Variants in BCAR3 observed in about 807,000 individuals in gnomAD.
BCAR3 encodes the protein BCAR3 adaptor protein, NSP family member.
In BCAR3, 37 loss-of-function variants were observed where a neutral mutation model predicts 80.1. The observed-to-expected ratio is 0.46, with a 90% confidence interval of 0.36 to 0.61. The LOEUF (loss-of-function observed/expected upper bound fraction) is 0.61. Ranked by LOEUF, BCAR3 falls within the 20% of genes least tolerant of loss-of-function variation. The pLI is 0.00. For missense variants in BCAR3, 978 were observed against 1,068.2 expected (o/e 0.92, Z 1.18); for synonymous variants, 389 against 418.9 (o/e 0.93, Z 0.87).
intron 2 of BCAR3, among the ~76,000 whole-genome samples, chr1:93,709,353 G>A (rs779760603): frequency 2.0e-5 from 3 of 152,268 alleles, no homozygotes; most frequent in Non-Finnish European, 4.4e-5. Flanking sequence ...GCCAGCCTGC[G>A]GTCTGTTCAA....
intron 7 of BCAR3, among the ~76,000 whole-genome samples, chr1:93,579,652 G>A (rs2101824711): frequency 6.6e-6 from 1 of 152,266 alleles, no homozygotes; most frequent in South Asian, 2.1e-4. Flanking sequence ...AGGGCGGGCA[G>A]GCAGGCATCT....
intron 3 of BCAR3, chr1:93,600,744 A>T (rs1674596405): frequency 6.6e-6 from 1 of 152,232 alleles, no homozygotes; most frequent in South Asian, 2.1e-4. Flanking sequence ...TCCAGCAGAC[A>T]GTGACACATC....
intron 3 of BCAR3, chr1:93,599,145 C>T (rs1166853422): frequency 6.6e-6 from 1 of 152,092 alleles, no homozygotes; most frequent in African/African-American, 2.4e-5. Flanking sequence ...CAGAGTTCTT[C>T]CTGGGATTTT....
chr1:93,716,159 A>T (rs924634917), intron 2 of BCAR3, among the ~76,000 whole-genome samples: 18 of 152,194 alleles, frequency 1.2e-4, no homozygotes, highest in African/African-American at 4.3e-4. Context: ...TAAAAACACA[A>T]TGGCTATTTA....
intron 11 of BCAR3, 45 bp from the exon 12 acceptor site, chr1:93,562,464 G>C: frequency 6.3e-7 from 1 of 1,587,324 alleles, no homozygotes; most frequent in Non-Finnish European, 8.6e-7. Flanking sequence ...TTCTGCCTAA[G>C]ATGTGTTAAA....
chr1:93,731,395 T>C (rs2100683911), intron 2 of BCAR3, among the ~76,000 whole-genome samples: 1 of 152,332 alleles, frequency 6.6e-6, no homozygotes, highest in East Asian at 1.9e-4. Context: ...GTACTATCTT[T>C]GCAACTTTTC....
chr1:93,713,883 T>G (rs1650107399), intron 2 of BCAR3, among the ~76,000 whole-genome samples: 1 of 152,258 alleles, frequency 6.6e-6, no homozygotes, highest in South Asian at 2.1e-4. Context: ...ACTTACTTAT[T>G]CATTCATTCA....
At chr1:93,616,551 C>G (rs1675134477) in intron 3 of BCAR3, among the ~76,000 whole-genome samples, 1 of 152,180 alleles carries the variant, frequency 6.6e-6, no homozygotes, top group African/African-American at 2.4e-5. Context: ...GCTAGGGACT[C>G]CAACCTCAGA....
At chr1:93,590,585 G>A (rs1362287118) in intron 4 of BCAR3, among the ~76,000 whole-genome samples, 13 of 152,078 alleles carry the variant, frequency 8.5e-5, no homozygotes, top group South Asian at 2.1e-4. Context: ...TGATAGTATC[G>A]GTTTTATAAT....
intron 3 of BCAR3, among the ~76,000 whole-genome samples, chr1:93,598,401 G>C (rs1674510417): frequency 6.6e-6 from 1 of 152,198 alleles, no homozygotes; most frequent in African/African-American, 2.4e-5. Context: ...CTGTAAGAAA[G>C]GCTTCCTAGT....
chr1:93,807,355 C>T (rs1653690024), intron 2 of BCAR3, among the ~76,000 whole-genome samples: 1 of 152,142 alleles, frequency 6.6e-6, no homozygotes, highest in South Asian at 2.1e-4. Context: ...AGAATGATTA[C>T]CCAATAACCC....
In BCAR3 at chr1:93,842,148, C is replaced by CTTT. The variant is rs3068798; in HGVS notation, c.-63+3416_-63+3418dup. ...CACAGCTGTTTGTGTACCTGTCATC[C>CTTT]TTTTTTTTTTTTTTTCCCCAGAGAT... is the stretch of plus-strand genomic sequence containing the variant. On this transcript the variant is annotated intron_variant, in intron 2 of 13. Transcript: ENST00000370244. 3.3e-3 allele frequency among the ~76,000 whole-genome samples: 470 copies of CTTT among 143,434 alleles called. 6 individuals carry two copies. The highest frequency in any genetic ancestry group is 8.7e-3 in the African/African-American group (336 of 38,478). 94.1% of individuals were successfully genotyped at this position (143,434 alleles called of 152,430 possible). A position where few individuals can be genotyped will look rare whatever the true frequency, so the allele number is the denominator to read the frequency against.
chr1:93,752,524 CA>C (rs1226064865), intron 2 of BCAR3, among the ~76,000 whole-genome samples: 2 of 152,208 alleles, frequency 1.3e-5, no homozygotes, highest in Admixed American at 1.3e-4. Flanking sequence ...AATTTGTTAT[CA>C]ATAATAGGAA....
chr1:93,758,723 A>T (rs760573756), intron 2 of BCAR3, among the ~76,000 whole-genome samples: 13 of 152,212 alleles, frequency 8.5e-5, no homozygotes, highest in Admixed American at 2.0e-4. Flanking sequence ...ATCAGCGTTC[A>T]CCAAGTCACT....
chr1:93,629,867 C>T (rs1675558329), intron 3 of BCAR3, among the ~76,000 whole-genome samples: 1 of 152,220 alleles, frequency 6.6e-6, no homozygotes, highest in Admixed American at 6.5e-5. Context: ...AGCAACCCCA[C>T]AGTTTTTATC....
intron 9 of BCAR3, among the ~76,000 whole-genome samples, chr1:93,570,136 A>AC (rs1673152067): frequency 1.3e-5 from 2 of 152,036 alleles, no homozygotes; most frequent in Admixed American, 6.6e-5. Flanking sequence ...ATTAGAATTG[A>AC]CCCCCCACAA....
intron 2 of BCAR3, among the ~76,000 whole-genome samples, chr1:93,748,477 C>T (rs1427360629): frequency 1.3e-5 from 2 of 152,128 alleles, no homozygotes; most frequent in African/African-American, 4.8e-5. Flanking sequence ...TGACTCCATC[C>T]CTTGGATCAG....
At chr1:93,768,030 T>C (rs1490883975) in intron 2 of BCAR3, among the ~76,000 whole-genome samples, 2 of 152,148 alleles carry the variant, frequency 1.3e-5, no homozygotes, top group African/African-American at 4.8e-5. Context: ...GACAGGAACA[T>C]AGCAAGGCTG....
At chr1:93,775,124 G>A (rs11164980) in intron 2 of BCAR3, 17,854 of 152,166 alleles carry the variant, frequency 0.12, 1,475 homozygotes, top group African/African-American at 0.22. Context: ...CAATTGCTGC[G>A]TCCAGGTAAA....
Sources: gnomAD v4.1 joint callset for allele counts (sites outside exome capture counted in the v4.1 genomes callset) on GRCh38, gnomAD v4.1.1 for gene constraint, MANE v1.5 for transcripts, NCBI Gene and HGNC (gene_info 2026-07-23, HGNC 2026-07-21) for gene names.